The following PARM1 variants were observed in gnomAD, a reference collection of about 807,000 sequenced individuals.
PARM1 encodes the protein prostate androgen-regulated mucin-like protein 1.
PARM1 carries 14 observed loss-of-function variants against 24.6 expected under a neutral mutation model. The observed-to-expected ratio is 0.57, with a 90% confidence interval of 0.38 to 0.89. The LOEUF is 0.89. Ranked by LOEUF, PARM1 falls within the 40% of genes least tolerant of loss-of-function variation. The probability of loss-of-function intolerance (pLI) is 0.00; values close to 1 mark genes in which losing one functional copy is unlikely to be tolerated. For missense variants in PARM1, 362 were observed against 380.4 expected (o/e 0.95, Z 0.40); for synonymous variants, 179 against 156.6 (o/e 1.14, Z -1.07).
chr4:75,037,046 T>A (rs1325716846), intron 3 of PARM1, among the ~76,000 whole-genome samples: 1 of 152,214 alleles, frequency 6.6e-6, no homozygotes, highest in African/African-American at 2.4e-5. Context: ...AAGGCTATGC[T>A]AAAACCCCTT....
intron 3 of PARM1, among the ~76,000 whole-genome samples, chr4:75,044,046 C>CAAAA (rs33982391): frequency 6.6e-5 from 9 of 135,940 alleles, no homozygotes; most frequent in African/African-American, 1.6e-4. Flanking sequence ...TAGTTCTTTG[C>CAAAA]AAAAAAAAAA....
intron 1 of PARM1, among the ~76,000 whole-genome samples, chr4:74,961,944 G>A (rs1235667498): frequency 3.3e-5 from 5 of 152,090 alleles, no homozygotes; most frequent in Admixed American, 3.3e-4. Context: ...TTACACTTTG[G>A]TTTGTAACTC....
intron 1 of PARM1, among the ~76,000 whole-genome samples, chr4:74,984,386 A>C (rs952907370): frequency 1.3e-5 from 2 of 152,228 alleles, no homozygotes; most frequent in African/African-American, 4.8e-5. Context: ...CTCTGGAATA[A>C]ACAGATGAAG....
chr4:74,986,739 A>G (rs1286236896), intron 1 of PARM1, among the ~76,000 whole-genome samples: 7 of 151,990 alleles, frequency 4.6e-5, no homozygotes, highest in East Asian at 1.9e-4. Flanking sequence ...AAAGGAAAAA[A>G]ATTTCAATGG....
intron 2 of PARM1, among the ~76,000 whole-genome samples, chr4:75,026,085 A>G (rs1043717459): frequency 2.0e-5 from 3 of 152,246 alleles, no homozygotes; most frequent in African/African-American, 7.2e-5. Flanking sequence ...AGACAAGCTT[A>G]GGTTGTGTTA....
intron 1 of PARM1, among the ~76,000 whole-genome samples, chr4:74,986,315 T>C (rs1722354724): frequency 1.3e-5 from 2 of 152,188 alleles, no homozygotes; most frequent in South Asian, 2.1e-4. Context: ...TATCTTTCTC[T>C]AGCTAATGTT....
At chr4:75,027,552 C>A (rs1274751293) in intron 2 of PARM1, among the ~76,000 whole-genome samples, 1 of 152,160 alleles carries the variant, frequency 6.6e-6, no homozygotes, top group African/African-American at 2.4e-5. Flanking sequence ...ACAAACTACA[C>A]CCCACTCCCA....
At chr4:74,966,789 G>C (rs1721912965) in intron 1 of PARM1, 2 of 152,166 alleles carry the variant, frequency 1.3e-5, no homozygotes, top group Non-Finnish European at 2.9e-5. Flanking sequence ...TATTGTCTTG[G>C]CCTGGGAGCA....
At chr4:74,933,728 G>T (rs1721117441) in intron 1 of PARM1, among the ~76,000 whole-genome samples, 1 of 152,166 alleles carries the variant, frequency 6.6e-6, no homozygotes, top group African/African-American at 2.4e-5. Flanking sequence ...CAAAGTACGG[G>T]ACCAGACTTC....
intron 1 of PARM1, among the ~76,000 whole-genome samples, chr4:74,995,742 C>T (rs1429053336): frequency 6.6e-6 from 1 of 152,156 alleles, no homozygotes; most frequent in Non-Finnish European, 1.5e-5. Context: ...ACAGTGTCCT[C>T]TCCGCGGCAG....
chr4:74,990,277 T>C (rs961543113), intron 1 of PARM1, among the ~76,000 whole-genome samples: 2 of 152,190 alleles, frequency 1.3e-5, no homozygotes, highest in African/African-American at 4.8e-5. Context: ...TGCACAGGGT[T>C]ATTAATTCAA....
At chr4:75,037,953 G>T (rs1723404055) in intron 3 of PARM1, among the ~76,000 whole-genome samples, 1 of 152,004 alleles carries the variant, frequency 6.6e-6, no homozygotes. Context: ...GTCTCGCTCT[G>T]TCACCCAGGC....
chr4:74,997,673 A>C (rs1323476971), intron 1 of PARM1: 1 of 152,226 alleles, frequency 6.6e-6, no homozygotes, highest in African/African-American at 2.4e-5. Flanking sequence ...AGGAGAGAAC[A>C]TAAAGCTGGA....
At chr4:74,974,239 T>C (rs1722098119) in intron 1 of PARM1, among the ~76,000 whole-genome samples, 1 of 152,230 alleles carries the variant, frequency 6.6e-6, no homozygotes. Context: ...TGGATTCAAA[T>C]GCTAGTTTTA....
chr4:74,942,353 C>T (rs578185677), intron 1 of PARM1, among the ~76,000 whole-genome samples: 3 of 152,316 alleles, frequency 2.0e-5, no homozygotes, highest in East Asian at 1.9e-4. Flanking sequence ...CATTAATGAG[C>T]AATGACAAAA....
chr4:74,981,879 C>CAAAAAAAAAAAAAAAAAAAAAAAAAAA (rs1159910773), intron 1 of PARM1, among the ~76,000 whole-genome samples: 1 of 55,652 alleles, frequency 1.8e-5, no homozygotes, highest in Non-Finnish European at 4.0e-5. Flanking sequence ...ACTCAATCTC[C>CAAAAAAAAAAAAAAAAAAAAAAAAAAA]AAAAAAAAAA....
At chr4:75,045,844 C>T (rs1450870212) in intron 3 of PARM1, among the ~76,000 whole-genome samples, 14 of 152,222 alleles carry the variant, frequency 9.2e-5, no homozygotes, top group African/African-American at 3.1e-4. Context: ...GCTTCCCTTT[C>T]CCATCTCTTC....
intron 3 of PARM1, among the ~76,000 whole-genome samples, chr4:75,043,144 T>C (rs1723533678): frequency 6.6e-6 from 1 of 152,154 alleles, no homozygotes; most frequent in Non-Finnish European, 1.5e-5. Context: ...ACTAATAAAC[T>C]TTAAAAATTC....
chr4:74,974,736 G>T (rs1429823615), intron 1 of PARM1, among the ~76,000 whole-genome samples: 1 of 152,184 alleles, frequency 6.6e-6, no homozygotes, highest in Non-Finnish European at 1.5e-5. Flanking sequence ...AAGCTTCAAT[G>T]TGATGGTATT....
Sources: gnomAD v4.1 joint callset for allele counts (sites outside exome capture counted in the v4.1 genomes callset) on GRCh38, gnomAD v4.1.1 for gene constraint, MANE v1.5 for transcripts, NCBI Gene and HGNC (gene_info 2026-07-23, HGNC 2026-07-21) for gene names.